USP26: variants seen among roughly 807,000 people sequenced by gnomAD.
The protein encoded by USP26 is ubiquitin carboxyl-terminal hydrolase 26.
For missense variants in USP26, 649 were observed against 642.3 expected (o/e 1.01, Z -0.11); for synonymous variants, 236 against 240.6 (o/e 0.98, Z 0.18).
At chrX:133,038,912 T>C (rs1284627192) in intron 5 of USP26, among the ~76,000 whole-genome samples, 1 of 112,056 alleles carries the variant, frequency 8.9e-6, no homozygotes, top group Non-Finnish European at 1.9e-5. Context: ...TGTCCAGGAA[T>C]GTATCCGTTT....
intron 5 of USP26, among the ~76,000 whole-genome samples, chrX:133,045,710 G>A (rs181812808): frequency 0.01 from 1,158 of 111,192 alleles, 12 homozygotes; most frequent in African/African-American, 0.036. Context: ...CCACCAGAAG[G>A]AAGAAACTCC....
At chrX:133,042,326 G>A (rs1289244604) in intron 5 of USP26, among the ~76,000 whole-genome samples, 1 of 111,424 alleles carries the variant, frequency 9.0e-6, no homozygotes, top group East Asian at 2.8e-4. Flanking sequence ...TGAGACCCAG[G>A]GCCCTGGTGG....
Position 133,027,469 on chromosome X carries a change from T to C in USP26, c.752A>G (p.Asp251Gly), listed in dbSNP as rs778157818. ...MNATGNPYLD[D>G]IGLLQALTEK... Reference sequence around the variant, plus strand: ...AGTGAGAGCTTGGAGAAGACCAATGTCATCTAGGTAAGGATTTCCAGTGGC... The same window carrying C: ...AGTGAGAGCTTGGAGAAGACCAATGCCATCTAGGTAAGGATTTCCAGTGGC... The change falls in exon 6 of 6, where the codon GAC becomes GGC. Residue 251 changes from aspartate to glycine, a missense_variant. Coordinates refer to ENST00000511190, the MANE Select transcript of USP26 (RefSeq NM_031907.3). The C allele has an allele frequency of 1.7e-5, 20 of 1,210,953 alleles. 1 individual carries two copies. The Middle Eastern group carries it at 3.0e-3, about 181-fold the overall frequency.
rs139214028 is a variant in USP26, at chrX:133,028,117, T to G, written c.104A>C (p.Lys35Thr). ...AFIEAVERKK[K>T]DRLVLYFKSG... is the part of the protein sequence containing the mutation. ...TTTGAAATACAGCACCAGTCTATCT[T>G]TCTTCTTTCTTTCCACTGCTTCAAT... The change falls in exon 6 of 6, where the codon AAA becomes ACA. Residue 35 changes from lysine (K) to threonine (T), a missense_variant. Coordinates refer to ENST00000511190, the MANE Select transcript of USP26 (RefSeq NM_031907.3). 4.1e-5 allele frequency: 50 copies of G among 1,209,990 alleles called. No individual in the cohort carries two copies. The South Asian group carries it at 8.3e-4, about 20-fold the overall frequency.
chrX:133,085,042 C>T (rs146693337), intron 4 of USP26, among the ~76,000 whole-genome samples: 237 of 111,960 alleles, frequency 2.1e-3, no homozygotes, highest in African/African-American at 6.9e-3. Context: ...GATTCTCGTG[C>T]CTCAGCCTCC....
chrX:133,050,404 T>C (rs1421362165), intron 5 of USP26, among the ~76,000 whole-genome samples: 1 of 111,835 alleles, frequency 8.9e-6, no homozygotes, highest in Non-Finnish European at 1.9e-5. Context: ...AATGAAAACA[T>C]AGAATTAAGG....
chrX:133,027,315 G>C lies in USP26; in HGVS notation c.906C>G (p.Asn302Lys). The part of the protein sequence containing the change: ...KICHGLPNLG[N>K]TCYMNAVLQS... ...GTAACACTGCATTCATATAACAGGT[G>C]TTTCCCAAATTGGGGAGGCCGTGGC... Residue 302 changes from asparagine to lysine, a missense_variant, in exon 6 of 6, where the codon AAC becomes AAG. Asn to Lys is a moderately conservative substitution (Grantham distance 94). Coordinates refer to ENST00000511190, the MANE Select transcript of USP26 (RefSeq NM_031907.3). The C allele has an allele frequency of 1.7e-6, 2 of 1,210,584 alleles. No homozygotes were observed. Among genetic ancestry groups the C allele is most frequent in the Non-Finnish European group, 2.2e-6 (2 of 894,495 alleles).
chrX:133,061,351 G>A (rs767068135), intron 5 of USP26, among the ~76,000 whole-genome samples: 114 of 112,507 alleles, frequency 1.0e-3, no homozygotes, highest in African/African-American at 3.5e-3. Flanking sequence ...ATAGCAATGT[G>A]TGCTGAGGGT....
chrX:133,046,816 A>G lies in USP26; in HGVS notation c.-76-18520T>C, dbSNP rs1212220893. Among the ~76,000 whole-genome samples, 4 of 112,100 alleles carry G rather than the reference A, an allele frequency of 3.6e-5. No individual in the cohort carries two copies. In the East Asian group the frequency reaches 1.1e-3, roughly 32 times the overall value. On this transcript the variant is annotated intron_variant, in intron 5 of 5. Coordinates refer to ENST00000511190, the MANE Select transcript of USP26 (RefSeq NM_031907.3). ...AAGGAACCCATAAAGCTCTGATGAG[A>G]GAATGAGCAGCTGCTGTGGATTTGC...
rs994237898 is a variant in USP26, at chrX:133,025,237, C to A, written c.*242G>T. 4 of 425,314 alleles carry A rather than the reference C, an allele frequency of 9.4e-6. No homozygotes were observed. The highest frequency in any genetic ancestry group is 1.6e-5 in the Non-Finnish European group (4 of 251,699). The allele number at this position is 425,314 out of a possible 1,213,427, so 35.1% of individuals were successfully genotyped here. The stretch of plus-strand genomic sequence containing the variant: ...CTGACTATATTAAAATGAAGAAGAA[C>A]ATGAAAAACACAATTTCAGTCTTGT... On this transcript the variant is annotated 3_prime_UTR_variant, in exon 6 of 6. Coordinates refer to ENST00000511190, the MANE Select transcript of USP26 (RefSeq NM_031907.3).
intron 5 of USP26, among the ~76,000 whole-genome samples, chrX:133,037,256 A>G (rs1232587510): frequency 1.8e-5 from 2 of 111,966 alleles, no homozygotes. Flanking sequence ...GCCCATACCT[A>G]TGTCCTGAAT....
At chrX:133,072,541 T>A (rs1052335200) in intron 5 of USP26, among the ~76,000 whole-genome samples, 7 of 112,518 alleles carry the variant, frequency 6.2e-5, no homozygotes, top group Non-Finnish European at 1.1e-4. Context: ...TTTACTACAT[T>A]TTAAAGTGAT....
intron 4 of USP26, among the ~76,000 whole-genome samples, chrX:133,084,756 C>T (rs1344774150): frequency 8.1e-5 from 9 of 110,540 alleles, no homozygotes; most frequent in Non-Finnish European, 1.5e-4. Flanking sequence ...TTTTTTATTT[C>T]CATAGGTTAT....
intron 5 of USP26, among the ~76,000 whole-genome samples, chrX:133,032,436 G>A (rs140268905): frequency 9.9e-4 from 111 of 112,126 alleles, no homozygotes; most frequent in Non-Finnish European, 1.8e-3. Context: ...AAGCAGGCCA[G>A]CATGACTGGA....
chrX:133,040,532 G>T (rs1004335859), intron 5 of USP26, among the ~76,000 whole-genome samples: 1 of 111,832 alleles, frequency 8.9e-6, no homozygotes, highest in African/African-American at 3.3e-5. Flanking sequence ...ACTCTTTTCT[G>T]GCTTGTAGGG....
Position 133,025,293 on chromosome X carries a change from A to C in USP26, c.*186T>G. 1.7e-6 allele frequency: 1 copy of C among 600,254 alleles called. No individual in the cohort carries two copies. The highest frequency in any genetic ancestry group is 2.5e-6 in the Non-Finnish European group (1 of 395,080). The allele number at this position is 600,254 out of a possible 1,213,427, so 49.5% of individuals were successfully genotyped here. On this transcript the variant is annotated 3_prime_UTR_variant, in exon 6 of 6. Transcript: ENST00000511190. ...AGAAGGATGCTCATCAGCCAGAGCT[A>C]TGGGATTGAGGTGTCTGTGTCAGGA...
chrX:133,075,431 T>C (rs2067544756), intron 5 of USP26, among the ~76,000 whole-genome samples: 1 of 112,170 alleles, frequency 8.9e-6, no homozygotes, highest in African/African-American at 3.2e-5. Context: ...TTTTCTTCAA[T>C]GTTTGTATCT....
At chrX:133,075,269 G>C (rs897054713) in intron 5 of USP26, among the ~76,000 whole-genome samples, 8 of 112,138 alleles carry the variant, frequency 7.1e-5, no homozygotes, top group African/African-American at 2.3e-4. Flanking sequence ...TACAGATAGA[G>C]TGAATTTAAG....
At chrX:133,072,864 C>T (rs962239079) in intron 5 of USP26, among the ~76,000 whole-genome samples, 2 of 111,990 alleles carry the variant, frequency 1.8e-5, no homozygotes, top group Admixed American at 9.5e-5. Context: ...CACAGACTGG[C>T]CTGAATTGGA....
Sources: allele counts gnomAD v4.1 joint callset (sites outside exome capture counted in the v4.1 genomes callset), GRCh38; gene constraint gnomAD v4.1.1; transcripts MANE v1.5; gene names NCBI Gene and HGNC (gene_info 2026-07-23, HGNC 2026-07-21).